FAM178B: variants seen among roughly 807,000 people sequenced by gnomAD.
FAM178B encodes the protein protein FAM178B.
In FAM178B, 82 loss-of-function variants were observed where a neutral mutation model predicts 91.7. The observed-to-expected ratio is 0.89, with a 90% CI of 0.75 to 1.07. FAM178B has a LOEUF of 1.07. Ranked by LOEUF, FAM178B falls within the 50% of genes least tolerant of loss-of-function variation. The pLI, the probability that FAM178B is intolerant of heterozygous loss-of-function variation, is 0.00. For synonymous variants in FAM178B, 368 were observed against 359.4 expected, an observed-to-expected ratio of 1.02 and a Z score of -0.27; for missense variants, 769 against 846.7, an observed-to-expected ratio of 0.91 and a Z score of 1.14.
chr2:96,916,073 C>T (rs1453905563), intron 12 of FAM178B, among the ~76,000 whole-genome samples: 1 of 152,180 alleles, frequency 6.6e-6, no homozygotes, highest in East Asian at 1.9e-4. Context: ...GAGGCAATTT[C>T]CAGTTCTTCA....
intron 14 of FAM178B, among the ~76,000 whole-genome samples, chr2:96,893,357 C>T (rs1422605252): frequency 6.6e-6 from 1 of 152,122 alleles, no homozygotes; most frequent in African/African-American, 2.4e-5. Flanking sequence ...CCTGCAGGCC[C>T]TGGGGCACCT....
rs1015114094 is a variant in FAM178B at position 96,888,889 on chromosome 2, C to T, written c.1776+5037G>A. Among the ~76,000 whole-genome samples, 8 of 152,318 alleles carry T rather than the reference C, an allele frequency of 5.3e-5. No homozygotes were observed. The East Asian group carries it at 5.8e-4, about 11-fold the overall frequency. On this transcript the variant is annotated intron_variant, in intron 14 of 16. Transcript: ENST00000490605. The stretch of plus-strand genomic sequence containing the variant: ...TCACCCAATCCCTGGAGCACACCCC[C>T]CCTCCCCGCCAACAACTCCATTCTG...
At chr2:96,880,015 T>C (rs916421178) in intron 14 of FAM178B, among the ~76,000 whole-genome samples, 4 of 152,242 alleles carry the variant, frequency 2.6e-5, no homozygotes, top group Non-Finnish European at 4.4e-5. Flanking sequence ...TGCCGGACAC[T>C]ATACCTTGAC....
At chr2:96,921,691 TG>T (rs2153370900) in intron 10 of FAM178B, 37 bp from the exon 11 acceptor site, 1 of 1,545,370 alleles carries the variant, frequency 6.5e-7, no homozygotes, top group Non-Finnish European at 8.7e-7. Flanking sequence ...GGCCAGGGCA[TG>T]GGGGAACGGG....
At chr2:96,926,632 C>T (rs1053040427) in intron 9 of FAM178B, among the ~76,000 whole-genome samples, 3 of 149,616 alleles carry the variant, frequency 2.0e-5, no homozygotes, top group Non-Finnish European at 4.4e-5. Flanking sequence ...CCTGTTTCCC[C>T]TCCCCAGTCT....
chr2:96,892,298 T>C (rs1164907909), intron 14 of FAM178B, among the ~76,000 whole-genome samples: 1 of 151,978 alleles, frequency 6.6e-6, no homozygotes, highest in Non-Finnish European at 1.5e-5. Context: ...GGCAGAGGTG[T>C]AGGGGAGCGC....
chr2:96,925,064 T>C (rs1165849822), intron 9 of FAM178B, among the ~76,000 whole-genome samples: 1 of 152,078 alleles, frequency 6.6e-6, no homozygotes, highest in Admixed American at 6.5e-5. Flanking sequence ...TGGGTAAGGC[T>C]GGCATTTGCA....
intron 13 of FAM178B, among the ~76,000 whole-genome samples, chr2:96,897,289 CAT>C (rs143671648): frequency 0.021 from 3,128 of 152,266 alleles, 98 homozygotes; most frequent in African/African-American, 0.071. Context: ...GCACATGGTA[CAT>C]GTCTAGTAAG....
At chr2:96,925,914 T>G in intron 9 of FAM178B, among the ~76,000 whole-genome samples, 1 of 152,214 alleles carries the variant, frequency 6.6e-6, no homozygotes, top group East Asian at 1.9e-4. Context: ...GCTGCCTCTT[T>G]AATCAATTGC....
intron 13 of FAM178B, among the ~76,000 whole-genome samples, chr2:96,896,825 C>T (rs1396544363): frequency 6.6e-6 from 1 of 152,192 alleles, no homozygotes; most frequent in East Asian, 1.9e-4. Flanking sequence ...TTGCTCCACA[C>T]CCACCTTCTC....
At chr2:96,978,048 A>G (rs2153376254) in intron 1 of FAM178B, 1 of 387,024 alleles carries the variant, frequency 2.6e-6, no homozygotes, top group East Asian at 7.2e-5. Flanking sequence ...CTTCTCAACT[A>G]TTCCTCTTCA....
chr2:96,920,168 G>C (rs1243596446), intron 12 of FAM178B, among the ~76,000 whole-genome samples: 1 of 152,228 alleles, frequency 6.6e-6, no homozygotes, highest in Non-Finnish European at 1.5e-5. Context: ...GGAGTGGTCT[G>C]CTCCGGAAAG....
At chr2:96,951,749 G>A (rs1484762582) in intron 6 of FAM178B, 2 of 388,490 alleles carry the variant, frequency 5.1e-6, no homozygotes, top group Admixed American at 3.9e-5. Context: ...GTGGCTGGAG[G>A]CAGTGGCTCA....
At chr2:96,983,366 TTA>T (rs1178464515) in intron 1 of FAM178B, among the ~76,000 whole-genome samples, 1 of 152,168 alleles carries the variant, frequency 6.6e-6, no homozygotes, top group Non-Finnish European at 1.5e-5. Flanking sequence ...ACCCCAAAGG[TTA>T]TACTACTCTG....
intron 13 of FAM178B, among the ~76,000 whole-genome samples, chr2:96,898,941 G>T (rs1475957377): frequency 6.6e-6 from 1 of 152,256 alleles, no homozygotes; most frequent in African/African-American, 2.4e-5. Context: ...GCACTGGCAA[G>T]CCCCGTGGAG....
chr2:96,911,986 AGCT>A (rs2081166914), intron 12 of FAM178B, among the ~76,000 whole-genome samples: 1 of 152,140 alleles, frequency 6.6e-6, no homozygotes, highest in African/African-American at 2.4e-5. Flanking sequence ...ATGTGCCTGG[AGCT>A]GAGGCCTCGG....
At chr2:96,906,918 G>T (rs367917270) in intron 12 of FAM178B, among the ~76,000 whole-genome samples, 23 of 152,192 alleles carry the variant, frequency 1.5e-4, no homozygotes, top group Non-Finnish European at 3.1e-4. Context: ...TGAGGCCTGC[G>T]CGGGAGCTCG....
chr2:96,882,230 C>A (rs1285372510), intron 14 of FAM178B, among the ~76,000 whole-genome samples: 17 of 152,338 alleles, frequency 1.1e-4, no homozygotes, highest in African/African-American at 3.8e-4. Flanking sequence ...GTCAGAGGAA[C>A]AAAACCTCAG....
chr2:96,902,262 C>T (rs1406335568), intron 13 of FAM178B, among the ~76,000 whole-genome samples: 4 of 152,170 alleles, frequency 2.6e-5, no homozygotes, highest in Admixed American at 2.6e-4. Context: ...CCCGCCACCA[C>T]ACCTGGCTAA....
Sources: allele counts gnomAD v4.1 joint callset (sites outside exome capture counted in the v4.1 genomes callset), GRCh38; gene constraint gnomAD v4.1.1; transcripts MANE v1.5; gene names NCBI Gene and HGNC (gene_info 2026-07-23, HGNC 2026-07-21).